CFAP61: variants seen among roughly 807,000 people sequenced by gnomAD.
The protein encoded by CFAP61 is cilia and flagella associated protein 61.
Under a neutral mutation model 135.6 loss-of-function variants are expected in CFAP61, and 107 were observed. That is an observed-to-expected ratio of 0.79 (90% CI 0.67 to 0.93). The LOEUF (loss-of-function observed/expected upper bound fraction) is 0.93. Ranked by LOEUF, CFAP61 falls within the 40% of genes least tolerant of loss-of-function variation. The pLI is 0.00. For missense variants in CFAP61, 1,507 were observed against 1,556.2 expected (o/e 0.97, Z 0.53); for synonymous variants, 575 against 578.5 (o/e 0.99, Z 0.09).
intron 6 of CFAP61, 141 bp downstream of exon 6, chr20:20,075,756 A>G (rs1476747807): frequency 2.1e-5 from 17 of 828,676 alleles, no homozygotes; most frequent in Non-Finnish European, 3.3e-5. Context: ...CTTCATTTGG[A>G]TATCTTTATA....
intron 25 of CFAP61, among the ~76,000 whole-genome samples, chr20:20,341,377 G>C (rs1401956053): frequency 6.6e-6 from 1 of 152,218 alleles, no homozygotes; most frequent in Non-Finnish European, 1.5e-5. Flanking sequence ...CGTGCGAACA[G>C]CATGTTGCAG....
At chr20:20,195,168 G>A (rs1311766526) in intron 15 of CFAP61, among the ~76,000 whole-genome samples, 1 of 152,164 alleles carries the variant, frequency 6.6e-6, no homozygotes, top group Non-Finnish European at 1.5e-5. Context: ...CCTGAGCTCT[G>A]TTTCCTCTGT....
At chr20:20,253,369 C>T (rs921548578) in intron 20 of CFAP61, 2 of 210,246 alleles carry the variant, frequency 9.5e-6, no homozygotes, top group African/African-American at 4.7e-5. Flanking sequence ...TCTGCGCAGC[C>T]TCTTCTGGTT....
chr20:20,310,963 T>C (rs772855140), intron 25 of CFAP61, among the ~76,000 whole-genome samples: 1 of 152,220 alleles, frequency 6.6e-6, no homozygotes, highest in Non-Finnish European at 1.5e-5. Context: ...GGTGTTCATG[T>C]CCATCGTCCA....
chr20:20,212,445 C>T (rs959838335), intron 17 of CFAP61, among the ~76,000 whole-genome samples: 14 of 152,284 alleles, frequency 9.2e-5, no homozygotes, highest in Admixed American at 3.3e-4. Flanking sequence ...CTTCCTGGTG[C>T]GGTGGGAGAC....
chr20:20,161,449 A>T (rs2053398888), intron 10 of CFAP61, among the ~76,000 whole-genome samples: 2 of 152,244 alleles, frequency 1.3e-5, no homozygotes, highest in South Asian at 4.1e-4. Context: ...TTGGAAGATA[A>T]GCACTTTAAA....
At chr20:20,211,083 T>TC (rs776603689) in intron 17 of CFAP61, among the ~76,000 whole-genome samples, 18 of 152,204 alleles carry the variant, frequency 1.2e-4, no homozygotes, top group Admixed American at 2.0e-4. Flanking sequence ...TTAAAAGCCT[T>TC]CCACAGTTTA....
chr20:20,355,221 ATCACACTAAGGGGAG>A (rs2059044507), intron 26 of CFAP61, among the ~76,000 whole-genome samples: 1 of 107,348 alleles, frequency 9.3e-6, no homozygotes, highest in Admixed American at 9.0e-5. Flanking sequence ...AGGGGAGGTG[ATCACACTAAGGGGAG>A]GTGGTCACAC....
chr20:20,120,333 T>C (rs1415067563), intron 8 of CFAP61, among the ~76,000 whole-genome samples: 2 of 152,232 alleles, frequency 1.3e-5, no homozygotes, highest in African/African-American at 2.4e-5. Context: ...GTATGTTGTA[T>C]TTCCATTTTC....
chr20:20,219,062 CA>C (rs2048224839), intron 17 of CFAP61, among the ~76,000 whole-genome samples: 3 of 152,150 alleles, frequency 2.0e-5, no homozygotes, highest in Non-Finnish European at 4.4e-5. Flanking sequence ...ATTCAAATCC[CA>C]TTAAGCCAAC....
intron 3 of CFAP61, among the ~76,000 whole-genome samples, chr20:20,072,768 T>C (rs566640417): frequency 6.6e-6 from 1 of 152,284 alleles, no homozygotes; most frequent in Admixed American, 6.5e-5. Context: ...TCCATAAGTA[T>C]AAAATATGCC....
Position 20,298,173 on chromosome 20 carries a change from T to A in CFAP61, c.3217-8T>A, listed in dbSNP as rs370664445. ...ATGTTGTTTTTCTTGTCCACATCCC[T>A]CCTCCAGGGTTTAGAACTAGTAACC... On this transcript the variant is annotated splice_region_variant and splice_polypyrimidine_tract_variant and intron_variant, in intron 24 of 26. Transcript: ENST00000245957. 9.2e-5 allele frequency: 147 copies of A among 1,602,458 alleles called. No homozygotes were observed. The highest frequency in any genetic ancestry group is 1.2e-4 in the Non-Finnish European group (144 of 1,169,566).
At chr20:20,316,013 C>T (rs1331133402) in intron 25 of CFAP61, among the ~76,000 whole-genome samples, 10 of 152,126 alleles carry the variant, frequency 6.6e-5, no homozygotes, top group Admixed American at 3.9e-4. Context: ...ATTGACTTGG[C>T]GATGCGGGCT....
At chr20:20,177,445 C>T (rs1346181740) in intron 13 of CFAP61, among the ~76,000 whole-genome samples, 1 of 151,942 alleles carries the variant, frequency 6.6e-6, no homozygotes, top group Non-Finnish European at 1.5e-5. Context: ...TTCTTCCACC[C>T]TCCCTCCATC....
intron 8 of CFAP61, among the ~76,000 whole-genome samples, chr20:20,102,228 T>TA (rs2048077931): frequency 6.6e-6 from 1 of 152,234 alleles, no homozygotes; most frequent in Admixed American, 6.5e-5. Context: ...TAAATGGTTG[T>TA]AACTGAATCT....
At chr20:20,067,862 A>G (rs1221452185) in intron 2 of CFAP61, among the ~76,000 whole-genome samples, 1 of 149,076 alleles carries the variant, frequency 6.7e-6, no homozygotes. Flanking sequence ...TATCTGTGCT[A>G]TGGGGGACCT....
intron 15 of CFAP61, among the ~76,000 whole-genome samples, chr20:20,193,302 A>T (rs2056053269): frequency 6.6e-6 from 1 of 152,140 alleles, no homozygotes; most frequent in African/African-American, 2.4e-5. Context: ...TCCCTTATCA[A>T]GTAAGGGAAA....
intron 9 of CFAP61, among the ~76,000 whole-genome samples, chr20:20,152,911 A>G (rs2052576797): frequency 6.6e-6 from 1 of 152,218 alleles, no homozygotes; most frequent in Non-Finnish European, 1.5e-5. Flanking sequence ...CAACAACTGC[A>G]GAATATACAT....
At chr20:20,245,720 A>G (rs1462123478) in intron 18 of CFAP61, among the ~76,000 whole-genome samples, 1 of 152,216 alleles carries the variant, frequency 6.6e-6, no homozygotes, top group East Asian at 1.9e-4. Flanking sequence ...TGAGCCATGC[A>G]AAAGGCTTGA....
Sources: allele counts gnomAD v4.1 joint callset (sites outside exome capture counted in the v4.1 genomes callset), GRCh38; gene constraint gnomAD v4.1.1; transcripts MANE v1.5; gene names NCBI Gene and HGNC (gene_info 2026-07-23, HGNC 2026-07-21).